FSTL5: variants seen among roughly 807,000 people sequenced by gnomAD.
FSTL5 encodes follistatin like 5, also known as follistatin-related protein 5.
A neutral mutation model predicts 89.1 loss-of-function variants in FSTL5; 62 were observed. The observed-to-expected ratio is 0.70, with a 90% CI of 0.57 to 0.86. FSTL5 has a LOEUF of 0.86. FSTL5 is among the 40% of genes least tolerant of loss of function. The pLI is 0.00. For missense variants in FSTL5, 1,057 were observed against 1,001.6 expected (o/e 1.06, Z -0.75); for synonymous variants, 383 against 346.2 (o/e 1.11, Z -1.18).
intron 7 of FSTL5, among the ~76,000 whole-genome samples, chr4:161,603,868 C>T (rs1175888003): frequency 6.6e-6 from 1 of 152,044 alleles, no homozygotes; most frequent in Admixed American, 6.6e-5. Context: ...GGATGTGGGG[C>T]AACAACGTCA....
chr4:161,713,326 A>G (rs1389722138), intron 6 of FSTL5, among the ~76,000 whole-genome samples: 1 of 152,210 alleles, frequency 6.6e-6, no homozygotes, highest in Non-Finnish European at 1.5e-5. Context: ...GGAGGTGTCT[A>G]GAAGAGTGTT....
intron 3 of FSTL5, among the ~76,000 whole-genome samples, chr4:161,933,175 C>G (rs940568062): frequency 1.3e-5 from 2 of 152,092 alleles, no homozygotes; most frequent in African/African-American, 4.8e-5. Flanking sequence ...TGGCACCTCA[C>G]TCTCCCTACA....
At chr4:162,047,554 G>T (rs1738231175) in intron 2 of FSTL5, 1 of 152,200 alleles carries the variant, frequency 6.6e-6, no homozygotes, top group African/African-American at 2.4e-5. Flanking sequence ...GTTCCGCGAG[G>T]TGCGGTGGCT....
intron 15 of FSTL5, among the ~76,000 whole-genome samples, chr4:161,394,529 C>T (rs1228630678): frequency 1.3e-5 from 2 of 152,150 alleles, no homozygotes; most frequent in Non-Finnish European, 2.9e-5. Context: ...TGTGCCTCAG[C>T]CTCCCAAAGT....
In FSTL5 at chr4:161,665,435, G is replaced by A. The variant is rs147454717; in HGVS notation, c.728-8941C>T. Among the ~76,000 whole-genome samples the A allele has an allele frequency of 6.1e-3, 920 of 152,030 alleles. 9 individuals are homozygous for A. The highest frequency in any genetic ancestry group is 0.045 in the South Asian group (219 of 4,822). ...TTTTTAGTAGAGATGGGGTTTCACCGTGTTAGCCAGGATGGTCTCGATCTC... is the reference window on the plus strand; with the variant it reads ...TTTTTAGTAGAGATGGGGTTTCACCATGTTAGCCAGGATGGTCTCGATCTC... On this transcript the variant is annotated intron_variant, in intron 6 of 15. Transcript: ENST00000306100.
intron 15 of FSTL5, among the ~76,000 whole-genome samples, chr4:161,416,004 C>T (rs1379548741): frequency 6.6e-6 from 1 of 151,920 alleles, no homozygotes; most frequent in East Asian, 1.9e-4. Flanking sequence ...ATAGTCAATA[C>T]ATAAGACAAT....
At chr4:161,686,772 T>C (rs1737761518) in intron 6 of FSTL5, among the ~76,000 whole-genome samples, 1 of 152,184 alleles carries the variant, frequency 6.6e-6, no homozygotes, top group Non-Finnish European at 1.5e-5. Flanking sequence ...TATCAGATTT[T>C]GTTCTAAATT....
intron 3 of FSTL5, among the ~76,000 whole-genome samples, chr4:161,987,378 T>C (rs1735991657): frequency 6.6e-6 from 1 of 150,982 alleles, no homozygotes; most frequent in African/African-American, 2.4e-5. Context: ...GGAAGATATT[T>C]TAGAATGGCG....
chr4:161,998,231 T>C (rs1736358343), intron 3 of FSTL5, among the ~76,000 whole-genome samples: 1 of 152,172 alleles, frequency 6.6e-6, no homozygotes, highest in Non-Finnish European at 1.5e-5. Context: ...CCCCTGACTT[T>C]CTTTGTTTCT....
At chr4:161,477,156 C>T (rs1341134385) in intron 13 of FSTL5, among the ~76,000 whole-genome samples, 3 of 151,370 alleles carry the variant, frequency 2.0e-5, no homozygotes, top group African/African-American at 7.3e-5. Flanking sequence ...TTTTAAATTT[C>T]CACTTAGTCT....
At chr4:161,928,055 A>G (rs1471486400) in intron 3 of FSTL5, among the ~76,000 whole-genome samples, 1 of 151,828 alleles carries the variant, frequency 6.6e-6, no homozygotes, top group Non-Finnish European at 1.5e-5. Context: ...GCTCAAGTCA[A>G]TCCCTCCAAG....
chr4:161,759,792 A>C (rs1366437200), intron 5 of FSTL5, among the ~76,000 whole-genome samples: 3 of 152,154 alleles, frequency 2.0e-5, no homozygotes, highest in Non-Finnish European at 4.4e-5. Context: ...GGAACTCAAC[A>C]AATCTGAACA....
At chr4:162,132,339 T>C (rs1732334974) in intron 1 of FSTL5, among the ~76,000 whole-genome samples, 1 of 152,172 alleles carries the variant, frequency 6.6e-6, no homozygotes, top group Non-Finnish European at 1.5e-5. Flanking sequence ...CCATTCTTTC[T>C]AAACTGAGAT....
chr4:161,651,612 T>A (rs1736346607), intron 7 of FSTL5, among the ~76,000 whole-genome samples: 1 of 152,182 alleles, frequency 6.6e-6, no homozygotes, highest in African/African-American at 2.4e-5. Context: ...ATGTGCCTCA[T>A]ACAGTGTTAA....
At chr4:161,517,981 C>G (rs190866873) in intron 10 of FSTL5, among the ~76,000 whole-genome samples, 1 of 152,140 alleles carries the variant, frequency 6.6e-6, no homozygotes, top group Non-Finnish European at 1.5e-5. Context: ...GTTGAAATTT[C>G]TTTGAATATA....
intron 4 of FSTL5, among the ~76,000 whole-genome samples, chr4:161,792,400 C>T (rs1445982372): frequency 3.9e-5 from 6 of 152,208 alleles, no homozygotes; most frequent in East Asian, 2.0e-4. Flanking sequence ...CGGCAAAAGG[C>T]AGGCTTCTGG....
intron 5 of FSTL5, among the ~76,000 whole-genome samples, chr4:161,764,996 G>A (rs1740944808): frequency 6.6e-6 from 1 of 152,192 alleles, no homozygotes; most frequent in Admixed American, 6.5e-5. Context: ...TATAACAACA[G>A]TTACAGGCTT....
intron 3 of FSTL5, among the ~76,000 whole-genome samples, chr4:161,931,479 G>A (rs1461934291): frequency 2.6e-5 from 4 of 151,866 alleles, no homozygotes; most frequent in African/African-American, 9.7e-5. Context: ...ATTTTTGTAA[G>A]CAGCATTATG....
chr4:161,534,441 T>C (rs1396847053), intron 10 of FSTL5, among the ~76,000 whole-genome samples: 1 of 152,086 alleles, frequency 6.6e-6, no homozygotes, highest in Non-Finnish European at 1.5e-5. Context: ...TCCATTGTAG[T>C]TGAGAACCAA....
Sources: gnomAD v4.1 joint callset for allele counts (sites outside exome capture counted in the v4.1 genomes callset) on GRCh38, gnomAD v4.1.1 for gene constraint, MANE v1.5 for transcripts, NCBI Gene and HGNC (gene_info 2026-07-23, HGNC 2026-07-21) for gene names.